The following RFX2 variants were observed in gnomAD, a reference collection of about 807,000 sequenced individuals.
The protein encoded by RFX2 is regulatory factor X2.
RFX2 carries 20 observed loss-of-function variants against 87.8 expected under a neutral mutation model. That is an observed-to-expected ratio of 0.23 (90% CI 0.16 to 0.33). RFX2 has a LOEUF of 0.33. Among genes scored for constraint, RFX2 ranks in the 10% least tolerant of loss-of-function variants. The probability of loss-of-function intolerance (pLI) is 1.00; values close to 1 mark genes in which losing one functional copy is unlikely to be tolerated. For missense variants in RFX2, 767 were observed against 1,012.3 expected, an observed-to-expected ratio of 0.76 and a Z score of 3.29; for synonymous variants, 397 against 431.3, an observed-to-expected ratio of 0.92 and a Z score of 0.98.
chr19:6,031,727 G>A (rs2086956483), intron 5 of RFX2, among the ~76,000 whole-genome samples: 1 of 152,086 alleles, frequency 6.6e-6, no homozygotes, highest in African/African-American at 2.4e-5. Context: ...ACTGCACCCA[G>A]CCTCTTTCTC....
chr19:6,097,402 G>C (rs1336006145), intron 1 of RFX2, among the ~76,000 whole-genome samples: 1 of 152,088 alleles, frequency 6.6e-6, no homozygotes, highest in Non-Finnish European at 1.5e-5. Flanking sequence ...GAGTTTAGCG[G>C]CAGGAAAGAT....
Position 5,997,255 on chromosome 19 carries a change from A to G in RFX2, c.1860-42T>C. On this transcript the variant is annotated intron_variant, in intron 15 of 17. Transcript: ENST00000303657. The surrounding 1 kb of genome is among the most constrained non-coding windows in gnomAD (Gnocchi z 4.2). Reference sequence around the variant, plus strand: ...AGAGGCTGGGGACCCTCAGGGGAGCATGGAACCCGGGCCCCAGGCCAGACT... The same window carrying G: ...AGAGGCTGGGGACCCTCAGGGGAGCGTGGAACCCGGGCCCCAGGCCAGACT... The G allele has an allele frequency of 6.4e-7, 1 of 1,574,310 alleles. No homozygotes were observed. The highest frequency in any genetic ancestry group is 8.6e-7 in the Non-Finnish European group (1 of 1,164,006).
chr19:6,084,962 C>A (rs1403775604), intron 1 of RFX2, among the ~76,000 whole-genome samples: 1 of 152,132 alleles, frequency 6.6e-6, no homozygotes, highest in Non-Finnish European at 1.5e-5. Flanking sequence ...TGTCTGATTT[C>A]TTTCACTGAG....
chr19:6,062,488 A>G (rs1478480861), intron 1 of RFX2, among the ~76,000 whole-genome samples: 2 of 152,170 alleles, frequency 1.3e-5, no homozygotes, highest in African/African-American at 4.8e-5. Flanking sequence ...CTCCTTTAGG[A>G]GGAGGAAGCA....
intron 1 of RFX2, among the ~76,000 whole-genome samples, chr19:6,098,965 CAA>C (rs34110529): frequency 2.3e-4 from 12 of 52,798 alleles, no homozygotes; most frequent in Admixed American, 1.4e-3. Context: ...GCTTGAACCA[CAA>C]AAAAAAAAAA....
At position 6,047,945 on chromosome 19, in the gene RFX2, C is replaced by A. The variant is rs1305012266; in HGVS notation, c.-8-441G>T. Among the ~76,000 whole-genome samples the A allele has an allele frequency of 6.6e-6, 1 of 152,250 alleles. No individual in the cohort carries two copies. Among genetic ancestry groups the A allele is most frequent in the African/African-American group, 2.4e-5 (1 of 41,464 alleles). On this transcript the variant is annotated intron_variant, in intron 1 of 17. Transcript: ENST00000303657. This position sits in a 1 kb window ranked among gnomAD's most constrained non-coding sequence, Gnocchi z 4.2. Reference sequence around the variant, plus strand: ...GGAGAAACTCTAAGGCTGGGTTTCCCCACTGTGGCACCGTTGACATTTGAG... The same window carrying A: ...GGAGAAACTCTAAGGCTGGGTTTCCACACTGTGGCACCGTTGACATTTGAG...
rs1295070835 is a variant in RFX2, at chr19:5,993,616, C to T, written c.*1219G>A. ...CCAAAAAGAGAAAACTATTGCATTT[C>T]GTTAGAAATCGCGTCCTGGGCCGAG... On this transcript the variant is annotated 3_prime_UTR_variant, in exon 18 of 18. Coordinates refer to ENST00000303657, the MANE Select transcript of RFX2 (RefSeq NM_000635.4). The T allele has an allele frequency of 3.9e-5, 6 of 152,200 alleles. No individual in the cohort carries two copies. The highest frequency in any genetic ancestry group is 7.2e-5 in the African/African-American group (3 of 41,448). 9.4% of individuals were successfully genotyped at this position (152,200 alleles called of 1,614,324 possible).
chr19:6,004,619 C>T lies in RFX2; in HGVS notation c.1403-321G>A, dbSNP rs2086551631. 6.6e-6 allele frequency among the ~76,000 whole-genome samples: 1 copy of T among 152,100 alleles called. No individual in the cohort carries two copies. Among genetic ancestry groups the T allele is most frequent in the Non-Finnish European group, 1.5e-5 (1 of 68,014 alleles). On this transcript the variant is annotated intron_variant, in intron 12 of 17. Coordinates refer to ENST00000303657, the MANE Select transcript of RFX2 (RefSeq NM_000635.4). This position sits in a 1 kb window ranked among gnomAD's most constrained non-coding sequence, Gnocchi z 4.8. ...ATGGAGTGGGTGGAGGCTAGGGATG[C>T]TCCTCAGCACCCCACAGTGCCCAGG... is the stretch of plus-strand genomic sequence containing the variant.
Position 6,004,080 on chromosome 19 carries a change from G to A in RFX2, c.1500+121C>T. 1.3e-6 allele frequency: 1 copy of A among 778,682 alleles called. No homozygotes were observed. The highest frequency in any genetic ancestry group is 2.3e-6 in the Non-Finnish European group (1 of 440,040). 48.2% of individuals were successfully genotyped at this position (778,682 alleles called of 1,614,324 possible). A position where few individuals can be genotyped will look rare whatever the true frequency, so the allele number is the denominator to read the frequency against. ...TGCTCAGGGCTTCCTGAAGGGATCG[G>A]TTACTCTCATGACGCAGGGAAGAAG... On this transcript the variant is annotated intron_variant, in intron 13 of 17. Coordinates refer to ENST00000303657, the MANE Select transcript of RFX2 (RefSeq NM_000635.4). The surrounding 1 kb of genome is among the most constrained non-coding windows in gnomAD (Gnocchi z 4.8).
chr19:6,087,060 G>A (rs1375135890), intron 1 of RFX2, among the ~76,000 whole-genome samples: 5 of 151,938 alleles, frequency 3.3e-5, no homozygotes, highest in African/African-American at 7.3e-5. Context: ...GACGAGCTTC[G>A]TTGTATAAAC....
chr19:6,002,000 C>G lies in RFX2; in HGVS notation c.1674G>C (p.Gln558His). The G allele has an allele frequency of 6.2e-7, 1 of 1,610,498 alleles. No individual in the cohort carries two copies. Among genetic ancestry groups the G allele is most frequent in the South Asian group, 1.1e-5 (1 of 91,006 alleles). The change falls in exon 15 of 18, where the codon CAG (glutamine) becomes CAC (histidine). Residue 558 changes from glutamine (Q) to histidine (H), a missense_variant. Gln to His is a conservative substitution (Grantham distance 24). Around this residue, in one of 2 missense-constraint regions of RFX2, gnomAD observed 621 missense variants for 873.0 expected, o/e 0.71. Transcript: ENST00000303657. The surrounding 1 kb of genome is among the most constrained non-coding windows in gnomAD (Gnocchi z 5.6). Reference sequence around the variant, plus strand: ...GCCGCTGCACCACACTCTCCTCGCACTGGCACACCCACGAGGCCTGCTCCT... The same window carrying G: ...GCCGCTGCACCACACTCTCCTCGCAGTGGCACACCCACGAGGCCTGCTCCT... ...NVQEQASWVCQCEESVVQRLE... is the reference protein window; with the variant it reads ...NVQEQASWVCHCEESVVQRLE...
chr19:6,033,188 C>A (rs541270419), intron 5 of RFX2, among the ~76,000 whole-genome samples: 6 of 152,348 alleles, frequency 3.9e-5, no homozygotes, highest in Admixed American at 2.6e-4. Flanking sequence ...CTTCAACACT[C>A]TTAACTAATC....
chr19:6,027,384 G>C lies in RFX2; in HGVS notation c.523-1147C>G, dbSNP rs1438722789. ...TGGAGGACCAGGGGAAAGTAGGATGGTGAGACCTCTCCCACCCATCAGCCT... is the reference window on the plus strand; with the variant it reads ...TGGAGGACCAGGGGAAAGTAGGATGCTGAGACCTCTCCCACCCATCAGCCT... On this transcript the variant is annotated intron_variant, in intron 5 of 17. Transcript: ENST00000303657. This position sits in a 1 kb window ranked among gnomAD's most constrained non-coding sequence, Gnocchi z 5.0. 3.3e-5 allele frequency: 5 copies of C among 152,244 alleles called. No homozygotes were observed. The East Asian group carries it at 9.6e-4, about 29-fold the overall frequency. 9.4% of individuals were successfully genotyped at this position (152,244 alleles called of 1,614,324 possible).
chr19:6,003,519 G>A (rs2086523554), intron 13 of RFX2, among the ~76,000 whole-genome samples: 1 of 151,068 alleles, frequency 6.6e-6, no homozygotes, highest in Non-Finnish European at 1.5e-5. Flanking sequence ...GCTCACACCT[G>A]TAATCCCGGT....
intron 1 of RFX2, among the ~76,000 whole-genome samples, chr19:6,049,836 T>G: frequency 6.6e-6 from 1 of 152,266 alleles, no homozygotes; most frequent in East Asian, 1.9e-4. Context: ...CCTGTTCCCC[T>G]AATTTAACAC....
intron 1 of RFX2, among the ~76,000 whole-genome samples, chr19:6,084,915 G>A (rs1044626942): frequency 6.6e-6 from 1 of 152,178 alleles, no homozygotes; most frequent in Non-Finnish European, 1.5e-5. Flanking sequence ...GGGATTAGAG[G>A]TGTGAGCCAC....
chr19:6,031,886 A>G (rs1309514945), intron 5 of RFX2, among the ~76,000 whole-genome samples: 1 of 152,114 alleles, frequency 6.6e-6, no homozygotes, highest in Non-Finnish European at 1.5e-5. Context: ...TGGCATGATC[A>G]TAGCTCATTC....
intron 1 of RFX2, among the ~76,000 whole-genome samples, chr19:6,094,086 A>G (rs1480374303): frequency 1.3e-5 from 2 of 152,142 alleles, no homozygotes; most frequent in Non-Finnish European, 2.9e-5. Context: ...ATTCTGCGGC[A>G]TGTGAATTAC....
At position 6,107,616 on chromosome 19, in the gene RFX2, C is replaced by CAAAAAAAAAAAAAAAAAAAA. The variant is rs1156483792; in HGVS notation, c.-9+2757_-9+2776dup. 2.5e-4 allele frequency among the ~76,000 whole-genome samples: 8 copies of CAAAAAAAAAAAAAAAAAAAA among 31,556 alleles called. 1 individual carries two copies. Among genetic ancestry groups the CAAAAAAAAAAAAAAAAAAAA allele is most frequent in the Admixed American group, 4.2e-4 (1 of 2,372 alleles). 20.7% of individuals were successfully genotyped at this position (31,556 alleles called of 152,430 possible). A position where few individuals can be genotyped will look rare whatever the true frequency, so the allele number is the denominator to read the frequency against. On this transcript the variant is annotated intron_variant, in intron 1 of 17. Transcript: ENST00000303657. ...TGGGTGACAGAGTGAGACCCTGTCTCAAAAAAAAAAAAAAAAAAAAAAAAA... is the reference window on the plus strand; with the variant it reads ...TGGGTGACAGAGTGAGACCCTGTCTCAAAAAAAAAAAAAAAAAAAAAAAAAAAAAAAAAAAAAAAAAAAAA...
Sources: allele counts gnomAD v4.1 joint callset (sites outside exome capture counted in the v4.1 genomes callset), GRCh38; gene constraint gnomAD v4.1.1; regional missense constraint gnomAD v4.1.1; non-coding constraint Gnocchi (gnomAD v3.1); transcripts MANE v1.5; gene names NCBI Gene and HGNC (gene_info 2026-07-23, HGNC 2026-07-21).